SEPHS1: variants seen among roughly 807,000 people sequenced by gnomAD.
SEPHS1 encodes zincore component SEPHS1.
In SEPHS1, 7 loss-of-function variants were observed where a neutral mutation model predicts 39.2. That is an observed-to-expected ratio of 0.18 (90% CI 0.10 to 0.34). The LOEUF is 0.34. Among genes scored for constraint, SEPHS1 ranks in the 10% least tolerant of loss-of-function variants. The pLI is 1.00. For synonymous variants in SEPHS1, 190 were observed against 195.5 expected, an observed-to-expected ratio of 0.97 and a Z score of 0.23; for missense variants, 253 against 514.5, an observed-to-expected ratio of 0.49 and a Z score of 4.92.
intron 4 of SEPHS1, 98 bp downstream of exon 4, chr10:13,336,145 G>T: frequency 1.3e-6 from 1 of 759,060 alleles, no homozygotes; most frequent in Non-Finnish European, 2.2e-6. Flanking sequence ...ATATGGCCTG[G>T]GCTCCTCGCT....
chr10:13,339,472 A>G (rs1305473783), intron 2 of SEPHS1, among the ~76,000 whole-genome samples: 1 of 152,120 alleles, frequency 6.6e-6, no homozygotes, highest in Non-Finnish European at 1.5e-5. Flanking sequence ...TCTTGGAGAT[A>G]AGGCTGTACT....
intron 8 of SEPHS1, among the ~76,000 whole-genome samples, chr10:13,322,524 G>T (rs960410827): frequency 2.6e-5 from 4 of 152,088 alleles, no homozygotes; most frequent in African/African-American, 9.7e-5. Context: ...AGTAACCTAG[G>T]GGTATTACAG....
At chr10:13,346,567 C>T (rs912917140) in intron 1 of SEPHS1, among the ~76,000 whole-genome samples, 10 of 152,084 alleles carry the variant, frequency 6.6e-5, no homozygotes, top group Middle Eastern at 3.2e-3. Flanking sequence ...AGGCGCTGGC[C>T]GCAAGTGACA....
At chr10:13,324,237 C>T (rs584285) in intron 7 of SEPHS1, among the ~76,000 whole-genome samples, 54,408 of 152,010 alleles carry the variant, frequency 0.36, 10,092 homozygotes, top group Middle Eastern at 0.45. Flanking sequence ...GATTCCTCCA[C>T]ATCTTTTCAT....
chr10:13,344,436 G>A (rs759453282), intron 2 of SEPHS1, among the ~76,000 whole-genome samples: 1 of 151,948 alleles, frequency 6.6e-6, no homozygotes, highest in Non-Finnish European at 1.5e-5. Flanking sequence ...CTCTTGATGC[G>A]TTTCAAGTAC....
chr10:13,327,080 A>C (rs1389146862), intron 7 of SEPHS1, among the ~76,000 whole-genome samples: 4 of 151,960 alleles, frequency 2.6e-5, no homozygotes, highest in African/African-American at 9.7e-5. Context: ...TCTACCAAAA[A>C]TACAAAAATC....
At chr10:13,330,198 G>GTAT (rs1833423603) in intron 5 of SEPHS1, among the ~76,000 whole-genome samples, 1 of 152,166 alleles carries the variant, frequency 6.6e-6, no homozygotes, top group African/African-American at 2.4e-5. Context: ...ACATACGAGT[G>GTAT]TATGTGTAAT....
chr10:13,329,653 A>C (rs761208413), intron 6 of SEPHS1, 45 bp downstream of exon 6: 8 of 1,435,812 alleles, frequency 5.6e-6, no homozygotes, highest in Non-Finnish European at 7.7e-6. Flanking sequence ...ATTACCTGCA[A>C]ACGTACCATT....
At chr10:13,335,675 A>AG (rs1050192332) in intron 4 of SEPHS1, among the ~76,000 whole-genome samples, 5 of 147,356 alleles carry the variant, frequency 3.4e-5, no homozygotes, top group African/African-American at 7.6e-5. Context: ...ATAAAACAAA[A>AG]AAAAATATAC....
intron 2 of SEPHS1, among the ~76,000 whole-genome samples, chr10:13,342,472 T>C (rs968767162): frequency 6.6e-6 from 1 of 150,714 alleles, no homozygotes; most frequent in African/African-American, 2.4e-5. Flanking sequence ...TAGTCCCAGC[T>C]ACTTGGGAGG....
In SEPHS1 at chr10:13,333,722, G is replaced by A; in HGVS notation, c.560+95C>T. 2.3e-6 allele frequency: 3 copies of A among 1,287,288 alleles called. No individual in the cohort carries two copies. The African/African-American group carries it at 4.5e-5, about 19-fold the overall frequency. The allele number at this position is 1,287,288 out of a possible 1,614,324, so 79.7% of individuals were successfully genotyped here. On this transcript the variant is annotated intron_variant, in intron 5 of 8. Coordinates refer to ENST00000327347, the MANE Select transcript of SEPHS1 (RefSeq NM_012247.5). ...TACCAAAGTCTGGGATCATATGTGT[G>A]AGCCACTGCACCTGACCTTAATACA...
chr10:13,343,770 C>T (rs958917365), intron 2 of SEPHS1, among the ~76,000 whole-genome samples: 7 of 151,954 alleles, frequency 4.6e-5, no homozygotes, highest in Non-Finnish European at 8.8e-5. Flanking sequence ...GCCAAGATCA[C>T]GCCACTGCAC....
intron 7 of SEPHS1, among the ~76,000 whole-genome samples, chr10:13,327,878 G>C (rs1289967758): frequency 2.0e-5 from 3 of 152,200 alleles, no homozygotes; most frequent in Non-Finnish European, 4.4e-5. Context: ...AAACTAATTT[G>C]CTGCTTAAGA....
chr10:13,340,942 A>C (rs1342544917), intron 2 of SEPHS1, among the ~76,000 whole-genome samples: 1 of 152,232 alleles, frequency 6.6e-6, no homozygotes, highest in Non-Finnish European at 1.5e-5. Context: ...GATTTTAAAC[A>C]CCTAGTACCA....
chr10:13,329,886 C>T (rs2050136539), intron 5 of SEPHS1, 98 bp from the exon 6 acceptor site: 5 of 1,057,754 alleles, frequency 4.7e-6, no homozygotes, highest in South Asian at 4.3e-5. Context: ...AAAAATATAT[C>T]TGCCTTTGCA....
chr10:13,342,650 G>A (rs1001351192), intron 2 of SEPHS1, among the ~76,000 whole-genome samples: 2 of 151,904 alleles, frequency 1.3e-5, no homozygotes, highest in Non-Finnish European at 2.9e-5. Flanking sequence ...GTGTACAGAG[G>A]GTATACACAT....
chr10:13,331,383 A>G (rs1368518401), intron 5 of SEPHS1, among the ~76,000 whole-genome samples: 2 of 138,654 alleles, frequency 1.4e-5, no homozygotes, highest in African/African-American at 5.0e-5. Flanking sequence ...TGGTATTTCT[A>G]ATTCTAGATC....
In SEPHS1 at chr10:13,348,278, C is replaced by G. The variant is rs1822382388; in HGVS notation, c.-357G>C. 1 of 150,190 alleles carries G rather than the reference C, an allele frequency of 6.7e-6. No homozygotes were observed. Among genetic ancestry groups the G allele is most frequent in the Non-Finnish European group, 1.5e-5 (1 of 67,456 alleles). 9.3% of individuals were successfully genotyped at this position (150,190 alleles called of 1,614,324 possible). ...TCCCTTTAAGAGGCGGCCCTGGCTG[C>G]TGGGTGGCGGCGTGCGGCCCGGGAA... is the stretch of plus-strand genomic sequence containing the variant. On this transcript the variant is annotated 5_prime_UTR_variant, in exon 1 of 9. Transcript: ENST00000327347.
At chr10:13,326,299 A>C (rs571391977) in intron 7 of SEPHS1, among the ~76,000 whole-genome samples, 1 of 151,364 alleles carries the variant, frequency 6.6e-6, no homozygotes, top group Non-Finnish European at 1.5e-5. Context: ...CATGGTGAAA[A>C]CCCATCTCTA....
Sources: allele counts gnomAD v4.1 joint callset (sites outside exome capture counted in the v4.1 genomes callset), GRCh38; gene constraint gnomAD v4.1.1; transcripts MANE v1.5; gene names NCBI Gene and HGNC (gene_info 2026-07-23, HGNC 2026-07-21).